The following ZDHHC7 variants were observed in gnomAD, a reference collection of about 807,000 sequenced individuals.
ZDHHC7 encodes the protein palmitoyltransferase ZDHHC7.
In ZDHHC7, 12 loss-of-function variants were observed where a neutral mutation model predicts 34.1. That is an observed-to-expected ratio of 0.35 (90% CI 0.23 to 0.57). The LOEUF (loss-of-function observed/expected upper bound fraction) is 0.57. Ranked by LOEUF, ZDHHC7 falls within the 20% of genes least tolerant of loss-of-function variation. The pLI is 0.84. For missense variants in ZDHHC7, 388 were observed against 402.7 expected (o/e 0.96, Z 0.31); for synonymous variants, 185 against 155.4 (o/e 1.19, Z -1.42).
intron 3 of ZDHHC7, among the ~76,000 whole-genome samples, chr16:84,982,583 G>T (rs559538680): frequency 6.6e-6 from 1 of 152,310 alleles, no homozygotes; most frequent in East Asian, 1.9e-4. Context: ...TTATCGGGCA[G>T]TCGGGGAACA....
intron 3 of ZDHHC7, among the ~76,000 whole-genome samples, chr16:84,984,249 G>C (rs2072408342): frequency 6.6e-6 from 1 of 152,074 alleles, no homozygotes. Flanking sequence ...TCGAACTCCT[G>C]ACCTCAGGTG....
At chr16:84,986,887 G>A (rs972668546) in intron 3 of ZDHHC7, among the ~76,000 whole-genome samples, 5 of 152,208 alleles carry the variant, frequency 3.3e-5, no homozygotes, top group African/African-American at 1.2e-4. Context: ...CCCTGGTAGG[G>A]TAAAGACATG....
chr16:84,992,902 G>T (rs2072529549), intron 2 of ZDHHC7, among the ~76,000 whole-genome samples: 1 of 152,144 alleles, frequency 6.6e-6, no homozygotes, highest in Non-Finnish European at 1.5e-5. Flanking sequence ...ATGAACATGT[G>T]GTGAGGATTC....
intron 2 of ZDHHC7, among the ~76,000 whole-genome samples, chr16:84,994,174 C>T (rs748062631): frequency 6.6e-6 from 1 of 152,258 alleles, no homozygotes; most frequent in Admixed American, 6.5e-5. Context: ...GTCTGGGTCT[C>T]CTCCTGCCCT....
chr16:84,997,775 C>G lies in ZDHHC7; in HGVS notation c.-103-1768G>C, dbSNP rs142702445. On this transcript the variant is annotated intron_variant, in intron 1 of 7. Transcript: ENST00000313732. ...AGGCGTGGTGGTGGGCGCCTGTAGT[C>G]CCAGCTACTCGGGAGGCTGAGGCAG... 7.7e-3 allele frequency among the ~76,000 whole-genome samples: 1,137 copies of G among 148,346 alleles called. 13 individuals carry two copies. The highest frequency in any genetic ancestry group is 0.027 in the African/African-American group (1,098 of 40,530).
chr16:85,001,683 C>T (rs1270205560), intron 1 of ZDHHC7, among the ~76,000 whole-genome samples: 2 of 152,226 alleles, frequency 1.3e-5, no homozygotes, highest in African/African-American at 4.8e-5. Context: ...TCAGCTGAGA[C>T]GGCCTAGAAG....
At chr16:85,027,584 C>T in the ZDHHC7 span, among the ~76,000 whole-genome samples, 3 of 152,040 alleles carry the variant, frequency 2.0e-5, no homozygotes, top group Non-Finnish European at 4.4e-5. Context: ...GGGCGCCGGG[C>T]GTACCCGAGA....
At position 84,994,191 on chromosome 16, in the gene ZDHHC7, C is replaced by A. The variant is rs368194980; in HGVS notation, c.-18+1731G>T. 2.2e-4 allele frequency among the ~76,000 whole-genome samples: 33 copies of A among 152,342 alleles called. No homozygotes were observed. In the East Asian group the frequency reaches 5.6e-3, roughly 26 times the overall value. ...CTGGGTCTCCTCCTGCCCTGTCCCC[C>A]TCATGCCTTGCATGCTGTCTGGCGC... On this transcript the variant is annotated intron_variant, in intron 2 of 7. Coordinates refer to ENST00000313732, the MANE Select transcript of ZDHHC7 (RefSeq NM_017740.3).
chr16:85,009,801 C>T (rs747244103), intron 1 of ZDHHC7, among the ~76,000 whole-genome samples: 1 of 151,254 alleles, frequency 6.6e-6, no homozygotes, highest in Non-Finnish European at 1.5e-5. Flanking sequence ...CTCCGCCTCC[C>T]GGGTTCACGT....
intron 1 of ZDHHC7, among the ~76,000 whole-genome samples, chr16:85,004,423 T>A (rs2072691861): frequency 6.6e-6 from 1 of 151,736 alleles, no homozygotes; most frequent in African/African-American, 2.4e-5. Context: ...AACAGTCCAG[T>A]CCCCCATGCA....
In ZDHHC7 at chr16:85,008,662, T is replaced by G. The variant is rs575539297; in HGVS notation, c.-104+2624A>C. 3.3e-5 allele frequency among the ~76,000 whole-genome samples: 5 copies of G among 152,140 alleles called. No individual in the cohort carries two copies. The East Asian group carries it at 9.7e-4, about 29-fold the overall frequency. ...AACCGAAGGGTCACACAGCAAGTTGTTAACACTGACCCTGGAGACTAACTT... is the reference window on the plus strand; with the variant it reads ...AACCGAAGGGTCACACAGCAAGTTGGTAACACTGACCCTGGAGACTAACTT... On this transcript the variant is annotated intron_variant, in intron 1 of 7. Transcript: ENST00000313732.
chr16:84,988,856 G>C, intron 3 of ZDHHC7: 2 of 1,551,674 alleles, frequency 1.3e-6, no homozygotes, highest in Non-Finnish European at 8.7e-7. Context: ...CAGATGGTCG[G>C]CAGTCACTGG....
intron 1 of ZDHHC7, among the ~76,000 whole-genome samples, chr16:84,999,073 A>G (rs2072621627): frequency 6.6e-6 from 1 of 152,190 alleles, no homozygotes; most frequent in African/African-American, 2.4e-5. Flanking sequence ...GCATTTATAT[A>G]TAGTAACTTT....
the ZDHHC7 span, among the ~76,000 whole-genome samples, chr16:85,026,866 C>T: frequency 2.6e-5 from 4 of 152,012 alleles, no homozygotes; most frequent in African/African-American, 4.8e-5. Flanking sequence ...TTTGAGGTGT[C>T]AGTCAATACT....
At chr16:85,019,513 T>G in the ZDHHC7 span, among the ~76,000 whole-genome samples, 2 of 151,884 alleles carry the variant, frequency 1.3e-5, no homozygotes, top group Admixed American at 1.3e-4. Flanking sequence ...AGGTCAGGAG[T>G]TCGAGACCAG....
intron 1 of ZDHHC7, among the ~76,000 whole-genome samples, chr16:84,998,978 C>G (rs1461575788): frequency 1.3e-5 from 2 of 152,178 alleles, no homozygotes; most frequent in Non-Finnish European, 2.9e-5. Flanking sequence ...TGGTCTCGAA[C>G]TCCTGACCTC....
intron 1 of ZDHHC7, among the ~76,000 whole-genome samples, chr16:85,006,285 G>A (rs1340853451): frequency 6.6e-6 from 1 of 152,108 alleles, no homozygotes; most frequent in Non-Finnish European, 1.5e-5. Context: ...CTTGAGCCCA[G>A]GCGTTCAAGG....
intron 3 of ZDHHC7, among the ~76,000 whole-genome samples, chr16:84,986,006 C>G (rs2072432253): frequency 1.4e-5 from 2 of 145,838 alleles, no homozygotes; most frequent in African/African-American, 5.0e-5. Flanking sequence ...AATCTGAACT[C>G]TAACAGGAGA....
intron 1 of ZDHHC7, among the ~76,000 whole-genome samples, chr16:85,004,654 T>C (rs1039564600): frequency 3.4e-5 from 5 of 145,968 alleles, no homozygotes; most frequent in Non-Finnish European, 6.2e-5. Flanking sequence ...CAATGGAATG[T>C]TACTCATAGT....
Sources: gnomAD v4.1 joint callset for allele counts (sites outside exome capture counted in the v4.1 genomes callset) on GRCh38, gnomAD v4.1.1 for gene constraint, MANE v1.5 for transcripts, NCBI Gene and HGNC (gene_info 2026-07-23, HGNC 2026-07-21) for gene names.